Variants in SEMA3E observed in about 807,000 individuals in gnomAD.
The protein encoded by SEMA3E is semaphorin 3E.
A neutral mutation model predicts 93.6 loss-of-function variants in SEMA3E; 49 were observed. The observed-to-expected ratio is 0.52, with a 90% CI of 0.42 to 0.66. The LOEUF (loss-of-function observed/expected upper bound fraction) is 0.66. SEMA3E is among the 30% of genes least tolerant of loss of function. SEMA3E has a pLI of 0.00. For missense variants in SEMA3E, 906 were observed against 964.8 expected (o/e 0.94, Z 0.81); for synonymous variants, 363 against 330.7 (o/e 1.10, Z -1.06).
intron 1 of SEMA3E, among the ~76,000 whole-genome samples, chr7:83,501,817 A>T (rs1308531534): frequency 6.6e-6 from 1 of 152,224 alleles, no homozygotes; most frequent in Non-Finnish European, 1.5e-5. Context: ...TCTCTAGTTA[A>T]TAATCCATCT....
intron 2 of SEMA3E, among the ~76,000 whole-genome samples, chr7:83,486,370 C>T (rs954657866): frequency 6.6e-6 from 1 of 152,010 alleles, no homozygotes; most frequent in African/African-American, 2.4e-5. Flanking sequence ...AAGATGTCAG[C>T]AGTACCAAGT....
At chr7:83,587,348 G>T (rs1408035552) in intron 1 of SEMA3E, among the ~76,000 whole-genome samples, 1 of 152,108 alleles carries the variant, frequency 6.6e-6, no homozygotes, top group Non-Finnish European at 1.5e-5. Flanking sequence ...AAAATTATTA[G>T]ATTATAACAA....
intron 1 of SEMA3E, among the ~76,000 whole-genome samples, chr7:83,639,316 A>G (rs938656053): frequency 3.3e-5 from 5 of 151,926 alleles, no homozygotes; most frequent in African/African-American, 1.2e-4. Flanking sequence ...TAGTAACATC[A>G]TCTCCTGTGC....
At chr7:83,478,122 C>T (rs1790058513) in intron 2 of SEMA3E, among the ~76,000 whole-genome samples, 1 of 152,102 alleles carries the variant, frequency 6.6e-6, no homozygotes, top group Admixed American at 6.5e-5. Context: ...AGGGTTTCTC[C>T]ATGTTGGCAA....
intron 1 of SEMA3E, among the ~76,000 whole-genome samples, chr7:83,584,931 A>G: frequency 6.6e-6 from 1 of 152,126 alleles, no homozygotes; most frequent in East Asian, 1.9e-4. Flanking sequence ...TACATCTTGC[A>G]GCGTTTTCCC....
rs1297423475 is a variant in SEMA3E at position 83,364,134 on chromosome 7, T to C, written c.*3452A>G. 2.0e-5 allele frequency: 3 copies of C among 151,756 alleles called. No individual in the cohort carries two copies. Among genetic ancestry groups the C allele is most frequent in the Admixed American group, 1.3e-4 (2 of 15,226 alleles). The allele number at this position is 151,756 out of a possible 1,614,324, so 9.4% of individuals were successfully genotyped here. A position where few individuals can be genotyped will look rare whatever the true frequency, so the allele number is the denominator to read the frequency against. On this transcript the variant is annotated 3_prime_UTR_variant, in exon 17 of 17. Transcript: ENST00000643230. ...TGGTCTCGATCTCCTGACCTCATGATCCACCCGCCTCGGCCTCCCAAAGTG... is the reference window on the plus strand; with the variant it reads ...TGGTCTCGATCTCCTGACCTCATGACCCACCCGCCTCGGCCTCCCAAAGTG...
chr7:83,511,728 T>C (rs1790823708), intron 1 of SEMA3E, among the ~76,000 whole-genome samples: 1 of 151,428 alleles, frequency 6.6e-6, no homozygotes, highest in Admixed American at 6.6e-5. Flanking sequence ...CTACTAAAAA[T>C]ACAAAAAAGA....
intron 16 of SEMA3E, among the ~76,000 whole-genome samples, chr7:83,378,496 T>G (rs1284359141): frequency 6.6e-6 from 1 of 151,874 alleles, no homozygotes; most frequent in Non-Finnish European, 1.5e-5. Flanking sequence ...ATCTCTCTCT[T>G]TGTCATTCGA....
intron 11 of SEMA3E, 130 bp from the exon 12 acceptor site, chr7:83,396,859 T>C: frequency 1.6e-6 from 1 of 643,922 alleles, no homozygotes. Flanking sequence ...TGGGTGTATC[T>C]CTTGAGGTCA....
chr7:83,453,121 A>G, intron 4 of SEMA3E, among the ~76,000 whole-genome samples: 1 of 152,084 alleles, frequency 6.6e-6, no homozygotes, highest in Admixed American at 6.6e-5. Flanking sequence ...TCTGCCTCCC[A>G]GGTTCAAGCA....
At chr7:83,410,018 T>C (rs1382008087) in intron 5 of SEMA3E, among the ~76,000 whole-genome samples, 1 of 151,586 alleles carries the variant, frequency 6.6e-6, no homozygotes, top group Non-Finnish European at 1.5e-5. Context: ...ATGATATAAA[T>C]TAAACTCAAA....
intron 1 of SEMA3E, among the ~76,000 whole-genome samples, chr7:83,519,078 G>A (rs555079077): frequency 1.1e-4 from 17 of 151,732 alleles, no homozygotes; most frequent in African/African-American, 3.4e-4. Context: ...CCATTAACTC[G>A]TCATTTAGCA....
At chr7:83,526,252 A>G (rs79768299) in intron 1 of SEMA3E, among the ~76,000 whole-genome samples, 2,169 of 152,230 alleles carry the variant, frequency 0.014, 61 homozygotes, top group African/African-American at 0.048. Context: ...CTTTCTTCCC[A>G]GAGAGATGGT....
At chr7:83,494,057 T>C (rs1028475426) in intron 1 of SEMA3E, among the ~76,000 whole-genome samples, 3 of 151,920 alleles carry the variant, frequency 2.0e-5, no homozygotes, top group African/African-American at 7.2e-5. Context: ...TTTATTTGAT[T>C]AATTTGCCTC....
At chr7:83,406,538 A>G in intron 7 of SEMA3E, among the ~76,000 whole-genome samples, 1 of 151,262 alleles carries the variant, frequency 6.6e-6, no homozygotes, top group East Asian at 2.0e-4. Flanking sequence ...CACACAATAT[A>G]TATATGCACA....
At chr7:83,395,228 T>G (rs1297938634) in intron 12 of SEMA3E, among the ~76,000 whole-genome samples, 3 of 152,158 alleles carry the variant, frequency 2.0e-5, no homozygotes, top group Non-Finnish European at 4.4e-5. Context: ...TGAAATCTTA[T>G]GTAGAGTCCC....
intron 1 of SEMA3E, among the ~76,000 whole-genome samples, chr7:83,607,123 G>A (rs1497335): frequency 0.21 from 32,245 of 152,060 alleles, 3,691 homozygotes; most frequent in East Asian, 0.37. Flanking sequence ...CCCACTGAGC[G>A]AATTTGTGTG....
At chr7:83,457,728 A>G (rs1192293291) in intron 4 of SEMA3E, among the ~76,000 whole-genome samples, 3 of 152,182 alleles carry the variant, frequency 2.0e-5, no homozygotes, top group Non-Finnish European at 4.4e-5. Context: ...TGTCAATCAA[A>G]TACTCTGTTC....
intron 1 of SEMA3E, among the ~76,000 whole-genome samples, chr7:83,532,052 G>C (rs977756103): frequency 1.3e-5 from 2 of 151,782 alleles, no homozygotes; most frequent in Non-Finnish European, 2.9e-5. Context: ...GTTATTTCTG[G>C]GTAAAACATG....
Sources: allele counts gnomAD v4.1 joint callset (sites outside exome capture counted in the v4.1 genomes callset), GRCh38; gene constraint gnomAD v4.1.1; transcripts MANE v1.5; gene names NCBI Gene and HGNC (gene_info 2026-07-23, HGNC 2026-07-21).